The following SYNE3 variants were observed in gnomAD, a reference collection of about 807,000 sequenced individuals.
SYNE3 encodes spectrin repeat containing nuclear envelope family member 3.
SYNE3 carries 100 observed loss-of-function variants against 111.2 expected under a neutral mutation model. The observed-to-expected ratio is 0.90, with a 90% CI of 0.77 to 1.06. The LOEUF (loss-of-function observed/expected upper bound fraction) is 1.06. Among genes scored for constraint, SYNE3 ranks in the 50% least tolerant of loss-of-function variants. SYNE3 has a pLI of 0.00. For missense variants in SYNE3, 1,160 were observed against 1,240.3 expected, an observed-to-expected ratio of 0.94 and a Z score of 0.97; for synonymous variants, 547 against 533.9, an observed-to-expected ratio of 1.02 and a Z score of -0.34.
intron 4 of SYNE3, among the ~76,000 whole-genome samples, chr14:95,465,548 C>G (rs4905327): frequency 0.7 from 105,879 of 151,884 alleles, 37,161 homozygotes; most frequent in African/African-American, 0.76. Context: ...TAGATGAATG[C>G]GTGGGCGATT....
chr14:95,475,676 A>T lies in SYNE3; in HGVS notation c.144+2T>A. 1 of 1,547,086 alleles carries T rather than the reference A, an allele frequency of 6.5e-7. No individual in the cohort carries two copies. The highest frequency in any genetic ancestry group is 8.7e-7 in the Non-Finnish European group (1 of 1,150,958). ...GCCATCTGAGGCCACGCCTCTGCATACCTCGGTCTCCCACAGCCTGGCCTC... is the reference window on the plus strand; with the variant it reads ...GCCATCTGAGGCCACGCCTCTGCATTCCTCGGTCTCCCACAGCCTGGCCTC... On this transcript the variant is annotated splice_donor_variant, in intron 2 of 17. Coordinates refer to ENST00000682763, the MANE Select transcript of SYNE3 (RefSeq NM_152592.6). LOFTEE classifies it high-confidence loss of function.
At chr14:95,419,633 C>T (rs553562883) in intron 17 of SYNE3, among the ~76,000 whole-genome samples, 10 of 129,998 alleles carry the variant, frequency 7.7e-5, no homozygotes, top group East Asian at 4.9e-4. Context: ...GTGACCATGG[C>T]GATGGAGGTG....
chr14:95,504,931 GAC>G (rs1284564940), intron 1 of SYNE3, among the ~76,000 whole-genome samples: 1 of 152,270 alleles, frequency 6.6e-6, no homozygotes, highest in Non-Finnish European at 1.5e-5. Flanking sequence ...GGGGCCAATG[GAC>G]ACAAGTGGAA....
At position 95,501,879 on chromosome 14, in the gene SYNE3, T is replaced by C. The variant is rs368002351; in HGVS notation, c.-15+14717A>G. ...CACTCTGGCCTAGAGCAGGCAGGGG[T>C]TGGCCCCAAGCACAAGGAGGTTTTC... On this transcript the variant is annotated intron_variant, in intron 1 of 17. Transcript: ENST00000682763. Among the ~76,000 whole-genome samples, 257 of 152,238 alleles carry C rather than the reference T, an allele frequency of 1.7e-3. 2 individuals carry two copies. In the Middle Eastern group the frequency reaches 0.041, roughly 24 times the overall value.
intron 1 of SYNE3, among the ~76,000 whole-genome samples, chr14:95,478,497 C>T (rs996498485): frequency 2.0e-5 from 3 of 152,104 alleles, no homozygotes; most frequent in Admixed American, 2.0e-4. Context: ...TTTTTCTGCC[C>T]GTCGGACCCC....
Position 95,412,453 on chromosome 14 carries a change from C to T in SYNE3, c.*5373G>A, listed in dbSNP as rs1197399266. The T allele has an allele frequency of 6.6e-6, 1 of 152,286 alleles. No homozygotes were observed. Among genetic ancestry groups the T allele is most frequent in the Admixed American group, 6.5e-5 (1 of 15,284 alleles). 9.4% of individuals were successfully genotyped at this position (152,286 alleles called of 1,614,324 possible). Reference sequence around the variant, plus strand: ...CACCCCGAATCTCCCAGCACAAAGCCTGGCACAGGCTGGAGAATGCTTGTT... The same window carrying T: ...CACCCCGAATCTCCCAGCACAAAGCTTGGCACAGGCTGGAGAATGCTTGTT... On this transcript the variant is annotated 3_prime_UTR_variant, in exon 18 of 18. Transcript: ENST00000682763.
chr14:95,448,127 T>G (rs1886825158), intron 8 of SYNE3, among the ~76,000 whole-genome samples: 1 of 152,254 alleles, frequency 6.6e-6, no homozygotes, highest in South Asian at 2.1e-4. Context: ...TTATAGAACT[T>G]GATCCCAAAT....
At chr14:95,467,675 A>G in intron 3 of SYNE3, 120 bp downstream of exon 3, 1 of 1,243,312 alleles carries the variant, frequency 8.0e-7, no homozygotes, top group Non-Finnish European at 1.1e-6. Context: ...CCAAGAGAAT[A>G]TCCTGTCCCC....
rs1221580831 is a variant in SYNE3 at position 95,439,101 on chromosome 14, T to G, written c.2308A>C (p.Thr770Pro). 1 of 1,614,138 alleles carries G rather than the reference T, an allele frequency of 6.2e-7. No individual in the cohort carries two copies. The highest frequency in any genetic ancestry group is 1.3e-5 in the African/African-American group (1 of 74,946). ...AATCCTGACTTTGGGATGTTGTTGG[T>G]GAAAACCATTTTCTTCCCCGAATCC... ...EVDSGKKMVF[T>P]NNIPKSGFLI... is the part of the protein sequence containing the mutation. Residue 770 changes from threonine (T) to proline (P), a missense_variant, in exon 14 of 18, where the codon ACC (threonine) becomes CCC (proline). Thr to Pro is a conservative substitution (Grantham distance 38). Coordinates refer to ENST00000682763, the MANE Select transcript of SYNE3 (RefSeq NM_152592.6).
chr14:95,480,574 A>G (rs994544981), intron 1 of SYNE3, among the ~76,000 whole-genome samples: 1 of 152,230 alleles, frequency 6.6e-6, no homozygotes, highest in South Asian at 2.1e-4. Context: ...CCAGGAATGG[A>G]CAGTAAGGAT....
At chr14:95,462,753 G>T (rs535109277) in intron 4 of SYNE3, among the ~76,000 whole-genome samples, 1 of 152,234 alleles carries the variant, frequency 6.6e-6, no homozygotes, top group Non-Finnish European at 1.5e-5. Flanking sequence ...AGACACTAAC[G>T]CAGGACCTGA....
chr14:95,453,736 G>A (rs1566664045), intron 6 of SYNE3, among the ~76,000 whole-genome samples: 1 of 152,304 alleles, frequency 6.6e-6, no homozygotes, highest in African/African-American at 2.4e-5. Context: ...GAGCAAGACT[G>A]GGGGCTGTCC....
At chr14:95,486,539 T>C (rs1161062681) in intron 1 of SYNE3, among the ~76,000 whole-genome samples, 1 of 152,106 alleles carries the variant, frequency 6.6e-6, no homozygotes, top group Admixed American at 6.5e-5. Context: ...ATCTCCCTCT[T>C]CCTGGGCCAT....
chr14:95,505,094 C>T (rs79181689), intron 1 of SYNE3, among the ~76,000 whole-genome samples: 2,171 of 152,340 alleles, frequency 0.014, 46 homozygotes, highest in African/African-American at 0.049. Flanking sequence ...CTTGGGACTC[C>T]GGGCAACTCC....
At chr14:95,444,415 A>G in intron 10 of SYNE3, 70 bp downstream of exon 10, 1 of 1,518,050 alleles carries the variant, frequency 6.6e-7, no homozygotes, top group Non-Finnish European at 8.8e-7. Context: ...TTACTGCTAG[A>G]GGGAGACGCT....
intron 17 of SYNE3, 105 bp downstream of exon 17, chr14:95,431,973 TG>T: frequency 7.4e-7 from 1 of 1,343,992 alleles, no homozygotes; most frequent in Non-Finnish European, 1.0e-6. Flanking sequence ...TTGGTCTTCC[TG>T]GAACCTTCCA....
intron 10 of SYNE3, chr14:95,444,178 G>A: frequency 2.3e-6 from 1 of 428,590 alleles, no homozygotes; most frequent in Non-Finnish European, 4.1e-6. Flanking sequence ...AACACCTCTG[G>A]ACTCATTAAG....
chr14:95,484,259 C>T (rs985826247), intron 1 of SYNE3, among the ~76,000 whole-genome samples: 2 of 152,048 alleles, frequency 1.3e-5, no homozygotes, highest in Admixed American at 6.6e-5. Flanking sequence ...GGTCCCCAGC[C>T]GTGGTAGGGA....
Position 95,449,658 on chromosome 14 carries a change from AG to A in SYNE3, c.1449+272del, listed in dbSNP as rs149289689. Reference sequence around the variant, plus strand: ...GGCCTGAGAACGCTGCTCTCTCAGGAGTGCTAATGCCTCCACCTGGGAGATG... The same window carrying A: ...GGCCTGAGAACGCTGCTCTCTCAGGATGCTAATGCCTCCACCTGGGAGATG... On this transcript the variant is annotated intron_variant, in intron 8 of 17. Coordinates refer to ENST00000682763, the MANE Select transcript of SYNE3 (RefSeq NM_152592.6). 1,693 of 985,408 alleles carry A rather than the reference AG, an allele frequency of 1.7e-3. 29 individuals are homozygous for A. In the African/African-American group the frequency reaches 0.027, roughly 16 times the overall value. The allele number at this position is 985,408 out of a possible 1,614,324, so 61.0% of individuals were successfully genotyped here. A position where few individuals can be genotyped will look rare whatever the true frequency, so the allele number is the denominator to read the frequency against.
Sources: allele counts gnomAD v4.1 joint callset (sites outside exome capture counted in the v4.1 genomes callset), GRCh38; gene constraint gnomAD v4.1.1; transcripts MANE v1.5; gene names NCBI Gene and HGNC (gene_info 2026-07-23, HGNC 2026-07-21).